Variants in RUVBL1 observed in about 807,000 individuals in gnomAD.
RUVBL1 encodes the protein RuvB like AAA ATPase 1, also known as ruvB-like 1.
In RUVBL1, 4 loss-of-function variants were observed where a neutral mutation model predicts 52.4. The observed-to-expected ratio is 0.08, with a 90% confidence interval of 0.04 to 0.17. The LOEUF (loss-of-function observed/expected upper bound fraction) is 0.17, where lower values mean the gene tolerates loss of function less well. RUVBL1 is among the 10% of genes least tolerant of loss of function. The probability of loss-of-function intolerance (pLI) is 1.00; values close to 1 mark genes in which losing one functional copy is unlikely to be tolerated. For synonymous variants in RUVBL1, 217 were observed against 214.4 expected (o/e 1.01, Z -0.10); for missense variants, 298 against 572.8 (o/e 0.52, Z 4.90).
chr3:128,066,929 G>T (rs1490938184), intron 9 of RUVBL1: 3 of 1,613,340 alleles, frequency 1.9e-6, no homozygotes, highest in South Asian at 1.1e-5. Flanking sequence ...CAGTGAAGGG[G>T]ATTTGGTTCT....
Position 128,082,952 on chromosome 3 carries a change from T to TA in RUVBL1, c.1120-379dup, listed in dbSNP as rs1381013546. On this transcript the variant is annotated intron_variant, in intron 9 of 10. Transcript: ENST00000322623. This position sits in a 1 kb window ranked among gnomAD's most constrained non-coding sequence, Gnocchi z 4.7. ...CTACCCGGGGCTCCTGCAAGGGCTCTAACCTTCCTCTCCAGCATGGGCACT... is the reference window on the plus strand; with the variant it reads ...CTACCCGGGGCTCCTGCAAGGGCTCTAAACCTTCCTCTCCAGCATGGGCACT... 1.7e-5 allele frequency: 3 copies of TA among 172,022 alleles called. No homozygotes were observed. The highest frequency in any genetic ancestry group is 7.2e-5 in the African/African-American group (3 of 41,806). The allele number at this position is 172,022 out of a possible 1,614,324, so 10.7% of individuals were successfully genotyped here.
intron 8 of RUVBL1, 55 bp from the exon 9 acceptor site, chr3:128,087,863 C>T (rs1265823655): frequency 2.4e-6 from 3 of 1,251,010 alleles, no homozygotes; most frequent in Middle Eastern, 1.9e-4. Context: ...CAAGAAACGA[C>T]ACTGGAAATA....
At position 128,082,770 on chromosome 3, in the gene RUVBL1, C is replaced by T; in HGVS notation, c.1120-196G>A. 1 of 529,450 alleles carries T rather than the reference C, an allele frequency of 1.9e-6. No homozygotes were observed. The allele number at this position is 529,450 out of a possible 1,614,324, so 32.8% of individuals were successfully genotyped here. On this transcript the variant is annotated intron_variant, in intron 9 of 10. Transcript: ENST00000322623. The surrounding 1 kb of genome is among the most constrained non-coding windows in gnomAD (Gnocchi z 4.7). ...CCTCCAGGAGGCATGTGCGGCCCTG[C>T]AGTATGCATGAATAGCATCACGGCC...
At chr3:128,100,074 T>G (rs980692178) in intron 6 of RUVBL1, among the ~76,000 whole-genome samples, 2 of 152,350 alleles carry the variant, frequency 1.3e-5, no homozygotes, top group Non-Finnish European at 2.9e-5. Context: ...TAGTGACTAT[T>G]CACTATTTCC....
chr3:128,150,839 CTATA>C (rs1363000190), intron 1 of RUVBL1, among the ~76,000 whole-genome samples: 6 of 66,064 alleles, frequency 9.1e-5, no homozygotes, highest in Non-Finnish European at 1.6e-4. Flanking sequence ...ATTATATATT[CTATA>C]TATATTCTAT....
At chr3:128,132,036 C>G (rs1470792227) in intron 1 of RUVBL1, among the ~76,000 whole-genome samples, 1 of 152,210 alleles carries the variant, frequency 6.6e-6, no homozygotes, top group East Asian at 1.9e-4. Context: ...CACTACCCCT[C>G]TCTCATCCCC....
chr3:128,140,224 G>GTTTTTTTTT (rs1246378506), intron 1 of RUVBL1, among the ~76,000 whole-genome samples: 2 of 13,782 alleles, frequency 1.5e-4, no homozygotes, highest in African/African-American at 4.9e-4. Flanking sequence ...AAGTTTTTTT[G>GTTTTTTTTT]TTTGTTTGTT....
chr3:128,098,789 C>T, intron 7 of RUVBL1, 93 bp downstream of exon 7: 2 of 1,049,398 alleles, frequency 1.9e-6, no homozygotes, highest in African/African-American at 3.1e-5. Context: ...GGCATTTCCT[C>T]AGGGCGACTG....
At chr3:128,148,619 A>G (rs1362376086) in intron 1 of RUVBL1, among the ~76,000 whole-genome samples, 1 of 152,218 alleles carries the variant, frequency 6.6e-6, no homozygotes, top group Non-Finnish European at 1.5e-5. Context: ...AGAGACATAG[A>G]CATCACCAGG....
intron 1 of RUVBL1, among the ~76,000 whole-genome samples, chr3:128,119,934 T>TA (rs1427388894): frequency 2.6e-5 from 4 of 152,186 alleles, no homozygotes; most frequent in African/African-American, 7.2e-5. Flanking sequence ...AACAGGAACT[T>TA]ACAGTGTGTG....
chr3:128,143,006 C>T (rs1454604325), intron 1 of RUVBL1, among the ~76,000 whole-genome samples: 4 of 152,006 alleles, frequency 2.6e-5, no homozygotes, highest in Non-Finnish European at 4.4e-5. Flanking sequence ...GTCTCGAACT[C>T]CTGACCTCAG....
At chr3:128,128,011 C>A (rs1316501174), upstream of RUVBL1, among the ~76,000 whole-genome samples, 154 of 50,592 alleles carry the variant, frequency 3.0e-3, 1 homozygote, top group African/African-American at 9.3e-3. Context: ...ATAATAAATA[C>A]ATACATACAT....
intron 2 of RUVBL1, 25 bp downstream of exon 2, chr3:128,119,303 T>A (rs758759733): frequency 1.3e-6 from 2 of 1,593,382 alleles, no homozygotes; most frequent in African/African-American, 2.7e-5. Flanking sequence ...CTGGGTAGAT[T>A]TAAAAAATGA....
chr3:128,117,715 C>T (rs544116379), intron 2 of RUVBL1, among the ~76,000 whole-genome samples: 8 of 151,580 alleles, frequency 5.3e-5, no homozygotes, highest in Non-Finnish European at 1.0e-4. Flanking sequence ...CAGGTTCAAG[C>T]GATTCTCCTA....
At chr3:128,065,242 T>G (rs1941930155) in intron 9 of RUVBL1, 1 of 662,002 alleles carries the variant, frequency 1.5e-6, no homozygotes, top group South Asian at 1.7e-5. Flanking sequence ...GAAACAAAAT[T>G]AAGGCAGTTC....
intron 3 of RUVBL1, among the ~76,000 whole-genome samples, chr3:128,105,837 TTTTC>T (rs1182120195): frequency 6.9e-4 from 104 of 151,414 alleles, no homozygotes; most frequent in African/African-American, 1.5e-3. Flanking sequence ...TGCTCTACAA[TTTTC>T]TTTCTTTCTT....
At chr3:128,097,202 T>C (rs1943001508) in intron 8 of RUVBL1, 98 bp downstream of exon 8, 3 of 1,217,502 alleles carry the variant, frequency 2.5e-6, no homozygotes, top group Non-Finnish European at 1.2e-6. Context: ...CCTCCCCTCA[T>C]CCCTGTCCCA....
chr3:128,088,625 C>CTGGGTCTTGTTCTGTGGCCCAGGCTGAA (rs1942729886), intron 8 of RUVBL1, among the ~76,000 whole-genome samples: 2 of 150,876 alleles, frequency 1.3e-5, no homozygotes, highest in East Asian at 3.9e-4. Context: ...GTTTTTGAGA[C>CTGGGTCTTGTTCTGTGGCCCAGGCTGAA]TGGGTCTTGT....
intron 1 of RUVBL1, among the ~76,000 whole-genome samples, chr3:128,132,282 G>A (rs191463571): frequency 1.3e-5 from 2 of 152,186 alleles, no homozygotes; most frequent in African/African-American, 4.8e-5. Flanking sequence ...AGTGCTCTGG[G>A]GTTCTACAGA....
Sources: allele counts gnomAD v4.1 joint callset (sites outside exome capture counted in the v4.1 genomes callset), GRCh38; gene constraint gnomAD v4.1.1; non-coding constraint Gnocchi (gnomAD v3.1); transcripts MANE v1.5; gene names NCBI Gene and HGNC (gene_info 2026-07-23, HGNC 2026-07-21).